Variants in JCHAIN observed in about 807,000 individuals in gnomAD.
JCHAIN encodes joining chain of multimeric IgA and IgM, also known as immunoglobulin J chain.
JCHAIN carries 5 observed loss-of-function variants against 11.1 expected under a neutral mutation model. The ratio of observed to expected loss-of-function variants is 0.45; its 90% CI spans 0.24 to 0.95. JCHAIN has a LOEUF of 0.95. JCHAIN is among the 40% of genes least tolerant of loss of function. The pLI is 0.21. For missense variants in JCHAIN, 165 were observed against 192.7 expected (o/e 0.86, Z 0.85); for synonymous variants, 51 against 67.8 (o/e 0.75, Z 1.22).
intron 2 of JCHAIN, among the ~76,000 whole-genome samples, chr4:70,660,004 T>C (rs571659796): frequency 1.3e-5 from 2 of 152,194 alleles, no homozygotes; most frequent in African/African-American, 2.4e-5. Flanking sequence ...CAGTAAACAA[T>C]GTAATATAAA....
intron 2 of JCHAIN, among the ~76,000 whole-genome samples, chr4:70,658,015 G>A (rs778767295): frequency 2.0e-5 from 3 of 151,902 alleles, no homozygotes; most frequent in Non-Finnish European, 4.4e-5. Context: ...CTCATGTGCA[G>A]CCCTCCCTAC....
At chr4:70,660,398 T>TTTA (rs1739031291) in intron 2 of JCHAIN, among the ~76,000 whole-genome samples, 1 of 150,190 alleles carries the variant, frequency 6.7e-6, no homozygotes, top group Non-Finnish European at 1.5e-5. Flanking sequence ...TTTTTTTTTT[T>TTTA]TGAGAAAGTC....
rs762123949 is a variant in JCHAIN, at chr4:70,657,261, A to G, written c.219T>C (p.Ser73=). 1.2e-6 allele frequency: 2 copies of G among 1,603,594 alleles called. No homozygotes were observed. The highest frequency in any genetic ancestry group is 1.7e-6 in the Non-Finnish European group (2 of 1,170,860). ...TGGTTCTCAATGGTGAGGTGGGATC[A>G]GAGATATTCTCCCTGTTGTTCAGAG... The part of the protein sequence containing the change: ...IVPLNNRENI[S]DPTSPLRTRF... Residue 73 remains serine, a synonymous_variant, in exon 3 of 4, where the codon TCT becomes TCC. Coordinates refer to ENST00000254801, the MANE Select transcript of JCHAIN (RefSeq NM_144646.4).
At chr4:70,663,001 TATATAG>T (rs376673731) in intron 1 of JCHAIN, among the ~76,000 whole-genome samples, 2 of 151,874 alleles carry the variant, frequency 1.3e-5, no homozygotes, top group African/African-American at 2.4e-5. Flanking sequence ...AGATAGAGTA[TATATAG>T]ATATAAAGTG....
At chr4:70,658,955 T>C (rs1470136546) in intron 2 of JCHAIN, among the ~76,000 whole-genome samples, 1 of 152,230 alleles carries the variant, frequency 6.6e-6, no homozygotes, top group East Asian at 1.9e-4. Context: ...AACTGTTTTA[T>C]CCCCACCACC....
intron 2 of JCHAIN, 42 bp downstream of exon 2, chr4:70,662,050 C>G (rs1462831879): frequency 4.4e-6 from 7 of 1,598,418 alleles, no homozygotes; most frequent in Admixed American, 1.7e-5. Context: ...GAAAGTATCT[C>G]TGCTTAGAAC....
At chr4:70,661,971 T>C (rs970548930) in intron 2 of JCHAIN, 121 bp downstream of exon 2, 1 of 872,158 alleles carries the variant, frequency 1.1e-6, no homozygotes, top group Non-Finnish European at 1.8e-6. Flanking sequence ...TCTTTACTCA[T>C]GTAAAGTGCT....
chr4:70,656,753 G>A (rs1171102320), intron 3 of JCHAIN, among the ~76,000 whole-genome samples: 1 of 151,914 alleles, frequency 6.6e-6, no homozygotes, highest in Non-Finnish European at 1.5e-5. Flanking sequence ...TATAATTAAT[G>A]ATATGATAAT....
intron 1 of JCHAIN, among the ~76,000 whole-genome samples, chr4:70,666,089 T>C (rs1251026739): frequency 6.6e-6 from 1 of 152,182 alleles, no homozygotes; most frequent in Non-Finnish European, 1.5e-5. Context: ...GTAATTATTA[T>C]TTCATTTCTC....
rs191217045 is a variant in JCHAIN, at chr4:70,655,743, T to A, written c.*586A>T. The stretch of plus-strand genomic sequence containing the variant: ...ATATATTTTAATTATGCATTTATTT[T>A]GCTACTTTTATAAATATTAGAGATT... On this transcript the variant is annotated 3_prime_UTR_variant, in exon 4 of 4. Coordinates refer to ENST00000254801, the MANE Select transcript of JCHAIN (RefSeq NM_144646.4). 1 of 152,340 alleles carries A rather than the reference T, an allele frequency of 6.6e-6. No individual in the cohort carries two copies. The highest frequency in any genetic ancestry group is 1.9e-4 in the East Asian group (1 of 5,188). 9.4% of individuals were successfully genotyped at this position (152,340 alleles called of 1,614,324 possible).
chr4:70,662,179 T>G lies in JCHAIN; in HGVS notation c.101A>C (p.Lys34Thr). ...GGAAGTAATCCGGGCACACTTACAT[T>G]TGTTGTCAACAAGAACAATCCTTTC... ...EDERIVLVDN[K>T]CKCARITSRI... The change falls in exon 2 of 4, where the codon AAA (lysine) becomes ACA (threonine). Residue 34 changes from lysine (K) to threonine (T), a missense_variant. Transcript: ENST00000254801. The G allele has an allele frequency of 6.2e-7, 1 of 1,613,682 alleles. No individual in the cohort carries two copies. Among genetic ancestry groups the G allele is most frequent in the East Asian group, 2.2e-5 (1 of 44,874 alleles).
At chr4:70,659,411 G>A (rs1056169308) in intron 2 of JCHAIN, among the ~76,000 whole-genome samples, 1 of 151,644 alleles carries the variant, frequency 6.6e-6, no homozygotes, top group Non-Finnish European at 1.5e-5. Flanking sequence ...TTAGCCAGGC[G>A]ATGAGGAGTG....
chr4:70,659,549 CAAAAAAAAA>C (rs35627461), intron 2 of JCHAIN, among the ~76,000 whole-genome samples: 67 of 16,544 alleles, frequency 4.0e-3, no homozygotes, highest in Admixed American at 0.012. Context: ...GACTCTGTCT[CAAAAAAAAA>C]AAAAAAAAAA....
intron 1 of JCHAIN, chr4:70,665,886 T>C (rs978323966): frequency 6.0e-6 from 2 of 335,012 alleles, no homozygotes; most frequent in Non-Finnish European, 1.2e-5. Context: ...TATTCCATTT[T>C]CTGAAGTTGT....
rs1738944261 is a variant in JCHAIN, at chr4:70,656,030, T to C, written c.*299A>G. 9.5e-6 allele frequency: 2 copies of C among 210,784 alleles called. No homozygotes were observed. The highest frequency in any genetic ancestry group is 1.7e-3 in the Middle Eastern group (1 of 574). The allele number at this position is 210,784 out of a possible 1,614,324, so 13.1% of individuals were successfully genotyped here. ...GTCCTTGAGTTTTATTTTCTCCCCTTGTTTATTTGTTTAATGCTAGAAACT... is the reference window on the plus strand; with the variant it reads ...GTCCTTGAGTTTTATTTTCTCCCCTCGTTTATTTGTTTAATGCTAGAAACT... On this transcript the variant is annotated 3_prime_UTR_variant, in exon 4 of 4. Coordinates refer to ENST00000254801, the MANE Select transcript of JCHAIN (RefSeq NM_144646.4).
At chr4:70,657,869 C>A (rs946490037) in intron 2 of JCHAIN, among the ~76,000 whole-genome samples, 4 of 152,032 alleles carry the variant, frequency 2.6e-5, no homozygotes. Context: ...AGTGATCCAC[C>A]CAAGTTCACA....
chr4:70,661,515 C>T (rs1321903005), intron 2 of JCHAIN, among the ~76,000 whole-genome samples: 3 of 152,120 alleles, frequency 2.0e-5, no homozygotes, highest in East Asian at 1.9e-4. Context: ...CTTGGCCAGG[C>T]GTGGTGGTTC....
Position 70,656,363 on chromosome 4 carries a change from G to A in JCHAIN, c.446C>T (p.Thr149Ile). 1.2e-6 allele frequency: 2 copies of A among 1,614,010 alleles called. No homozygotes were observed. The highest frequency in any genetic ancestry group is 1.1e-5 in the South Asian group (1 of 91,082). ...VYGGETKMVE[T>I]ALTPDACYPD ...ATAGCAGGCATCTGGGGTTAAGGCT[G>A]TTTCCACCATTTTGGTCTCACCACC... The change falls in exon 4 of 4, where the codon ACA becomes ATA. Residue 149 changes from threonine (T) to isoleucine (I), a missense_variant. Transcript: ENST00000254801.
chr4:70,658,614 G>T (rs534793447), intron 2 of JCHAIN, among the ~76,000 whole-genome samples: 1 of 151,974 alleles, frequency 6.6e-6, no homozygotes, highest in Non-Finnish European at 1.5e-5. Flanking sequence ...TCATATAATC[G>T]TCACAGCAAT....
Sources: allele counts gnomAD v4.1 joint callset (sites outside exome capture counted in the v4.1 genomes callset), GRCh38; gene constraint gnomAD v4.1.1; transcripts MANE v1.5; gene names NCBI Gene and HGNC (gene_info 2026-07-23, HGNC 2026-07-21).